Variants in STK32B observed in about 807,000 individuals in gnomAD.
STK32B encodes serine/threonine-protein kinase 32B.
In STK32B, 43 loss-of-function variants were observed where a neutral mutation model predicts 52.6. The observed-to-expected ratio is 0.82, with a 90% CI of 0.64 to 1.05. The LOEUF (loss-of-function observed/expected upper bound fraction) is 1.05. Among genes scored for constraint, STK32B ranks in the 50% least tolerant of loss-of-function variants. The pLI, the probability that STK32B is intolerant of heterozygous loss-of-function variation, is 0.00. For synonymous variants in STK32B, 238 were observed against 204.3 expected (o/e 1.17, Z -1.41); for missense variants, 621 against 534.6 (o/e 1.16, Z -1.59).
intron 3 of STK32B, among the ~76,000 whole-genome samples, chr4:5,241,990 G>C (rs937582961): frequency 1.6e-4 from 25 of 152,206 alleles, no homozygotes; most frequent in Non-Finnish European, 2.5e-4. Context: ...TGGACATTTG[G>C]GTTGGTTCCA....
chr4:5,235,382 C>T (rs1208950795), intron 3 of STK32B, among the ~76,000 whole-genome samples: 2 of 152,214 alleles, frequency 1.3e-5, no homozygotes, highest in Non-Finnish European at 2.9e-5. Context: ...TACTCAGCCA[C>T]ACTGTCCTCC....
chr4:5,319,103 T>C (rs6851176), intron 3 of STK32B, among the ~76,000 whole-genome samples: 36,200 of 152,086 alleles, frequency 0.24, 7,070 homozygotes, highest in African/African-American at 0.55. Flanking sequence ...CACGCCTGGC[T>C]AAAAATAGCA....
At chr4:5,200,184 A>T (rs1403083781) in intron 3 of STK32B, among the ~76,000 whole-genome samples, 1 of 151,004 alleles carries the variant, frequency 6.6e-6, no homozygotes, top group Non-Finnish European at 1.5e-5. Flanking sequence ...ATGCCCAATT[A>T]CTCTTAACAG....
chr4:5,068,104 A>G (rs1019443803), intron 1 of STK32B, among the ~76,000 whole-genome samples: 2 of 152,136 alleles, frequency 1.3e-5, no homozygotes, highest in East Asian at 1.9e-4. Context: ...AAAAACCGCA[A>G]TAACTTTTGC....
chr4:5,129,703 C>A (rs1363755638), intron 1 of STK32B, among the ~76,000 whole-genome samples: 2 of 152,114 alleles, frequency 1.3e-5, no homozygotes, highest in African/African-American at 2.4e-5. Context: ...CATTAATCAC[C>A]TTAACAACCC....
At chr4:5,222,881 A>G (rs556934549) in intron 3 of STK32B, among the ~76,000 whole-genome samples, 1 of 152,312 alleles carries the variant, frequency 6.6e-6, no homozygotes, top group African/African-American at 2.4e-5. Context: ...GAAGATTAGT[A>G]TGGATATAAG....
rs143638973 is a variant in STK32B, at chr4:5,250,393, A to G, written c.261-80827A>G. ...ACTGATGTGATCTTGGGTCACTGCA[A>G]CCTCCGCCTCCCGGCTTCAAGAGAT... is the stretch of plus-strand genomic sequence containing the variant. On this transcript the variant is annotated intron_variant, in intron 3 of 11. Coordinates refer to ENST00000282908, the MANE Select transcript of STK32B (RefSeq NM_018401.3). 4.4e-3 allele frequency among the ~76,000 whole-genome samples: 664 copies of G among 149,422 alleles called. 2 individuals carry two copies. Among genetic ancestry groups the G allele is most frequent in the African/African-American group, 0.015 (603 of 40,324 alleles).
intron 2 of STK32B, among the ~76,000 whole-genome samples, chr4:5,164,911 C>T (rs1459114860): frequency 6.6e-6 from 1 of 152,136 alleles, no homozygotes; most frequent in African/African-American, 2.4e-5. Flanking sequence ...GCCTCTATCT[C>T]CTGGTCAGGT....
At chr4:5,382,430 C>T (rs912902183) in intron 4 of STK32B, among the ~76,000 whole-genome samples, 2 of 152,228 alleles carry the variant, frequency 1.3e-5, no homozygotes, top group Non-Finnish European at 2.9e-5. Flanking sequence ...GCCACAATGT[C>T]GCCTTGGGGT....
intron 3 of STK32B, among the ~76,000 whole-genome samples, chr4:5,175,330 G>A (rs967725245): frequency 6.6e-6 from 1 of 152,084 alleles, no homozygotes; most frequent in Admixed American, 6.5e-5. Context: ...GTCCAGCTTT[G>A]TTCCATTGCT....
intron 1 of STK32B, among the ~76,000 whole-genome samples, chr4:5,106,121 G>A (rs1036909321): frequency 6.6e-6 from 1 of 151,742 alleles, no homozygotes; most frequent in African/African-American, 2.4e-5. Flanking sequence ...TAGCCAACAC[G>A]ATGAAACCCC....
chr4:5,310,218 T>A (rs1730201301), intron 3 of STK32B, among the ~76,000 whole-genome samples: 1 of 151,892 alleles, frequency 6.6e-6, no homozygotes, highest in African/African-American at 2.4e-5. Context: ...CTTCTGTACA[T>A]CAAAGGAAAC....
intron 4 of STK32B, among the ~76,000 whole-genome samples, chr4:5,385,946 CACAGCTCCACCCACAGCCCCCACT>C (rs1736224469): frequency 2.8e-5 from 2 of 71,330 alleles, no homozygotes; most frequent in African/African-American, 1.3e-4. Context: ...AGCCCCCACT[CACAGCTCCACCCACAGCCCCCACT>C]CACAGCTCCA....
chr4:5,496,727 G>A (rs1197068513), intron 11 of STK32B, among the ~76,000 whole-genome samples: 1 of 151,708 alleles, frequency 6.6e-6, no homozygotes, highest in African/African-American at 2.4e-5. Flanking sequence ...TTAAGTCTCT[G>A]TCCTTGAAGA....
chr4:5,294,583 T>C (rs557371509), intron 3 of STK32B, among the ~76,000 whole-genome samples: 6 of 152,176 alleles, frequency 3.9e-5, no homozygotes, highest in Non-Finnish European at 7.3e-5. Context: ...TTGTCTGTTA[T>C]TTGTGTATAG....
Position 5,473,800 on chromosome 4 carries a change from C to A in STK32B, c.1106+5730C>A, listed in dbSNP as rs62299783. ...GGATGGAGGGTGCCCTGACTAAGTCCGCAGCAGGGTAGACAGTCAAAAGAT... is the reference window on the plus strand; with the variant it reads ...GGATGGAGGGTGCCCTGACTAAGTCAGCAGCAGGGTAGACAGTCAAAAGAT... On this transcript the variant is annotated intron_variant, in intron 11 of 11. Coordinates refer to ENST00000282908, the MANE Select transcript of STK32B (RefSeq NM_018401.3). 3.7e-3 allele frequency among the ~76,000 whole-genome samples: 566 copies of A among 152,204 alleles called. 1 individual carries two copies. Among genetic ancestry groups the A allele is most frequent in the Non-Finnish European group, 5.8e-3 (395 of 68,026 alleles).
At chr4:5,314,472 C>G (rs533247146) in intron 3 of STK32B, among the ~76,000 whole-genome samples, 35 of 152,120 alleles carry the variant, frequency 2.3e-4, no homozygotes, top group Non-Finnish European at 5.0e-4. Flanking sequence ...CAGTTCAAGA[C>G]CAGCCTGGGC....
chr4:5,223,135 G>C (rs140682255), intron 3 of STK32B, among the ~76,000 whole-genome samples: 247 of 152,350 alleles, frequency 1.6e-3, no homozygotes, highest in African/African-American at 5.6e-3. Flanking sequence ...AGCTTGGACT[G>C]CTTCCCAGGA....
intron 3 of STK32B, among the ~76,000 whole-genome samples, chr4:5,177,281 G>A (rs1246766581): frequency 6.6e-6 from 1 of 152,174 alleles, no homozygotes; most frequent in African/African-American, 2.4e-5. Flanking sequence ...GATGGAGTGA[G>A]TGCCAGTGGG....
Sources: gnomAD v4.1 joint callset for allele counts (sites outside exome capture counted in the v4.1 genomes callset) on GRCh38, gnomAD v4.1.1 for gene constraint, MANE v1.5 for transcripts, NCBI Gene and HGNC (gene_info 2026-07-23, HGNC 2026-07-21) for gene names.